The following SLC38A6 variants were observed in gnomAD, a reference collection of about 807,000 sequenced individuals.
The protein encoded by SLC38A6 is solute carrier family 38 member 6.
A neutral mutation model predicts 65.0 loss-of-function variants in SLC38A6; 73 were observed. That is an observed-to-expected ratio of 1.12 (90% CI 0.93 to 1.37). SLC38A6 has a LOEUF of 1.37. SLC38A6 is among the 40% of genes most tolerant of loss of function. The pLI is 0.00. For synonymous variants in SLC38A6, 183 were observed against 178.8 expected, an observed-to-expected ratio of 1.02 and a Z score of -0.19; for missense variants, 561 against 531.1, an observed-to-expected ratio of 1.06 and a Z score of -0.55.
At chr14:61,031,339 A>G (rs1403384807) in intron 6 of SLC38A6, among the ~76,000 whole-genome samples, 3 of 152,172 alleles carry the variant, frequency 2.0e-5, no homozygotes, top group Non-Finnish European at 4.4e-5. Flanking sequence ...TTCTGCTTCA[A>G]TAATTGAACT....
At chr14:61,011,365 C>T (rs980058748) in intron 3 of SLC38A6, among the ~76,000 whole-genome samples, 6 of 151,936 alleles carry the variant, frequency 3.9e-5, no homozygotes, top group Non-Finnish European at 8.8e-5. Context: ...AATTGAATAC[C>T]CTTTATTTCC....
At chr14:61,045,529 A>G in intron 11 of SLC38A6, 104 bp downstream of exon 11, 1 of 807,116 alleles carries the variant, frequency 1.2e-6, no homozygotes, top group Non-Finnish European at 2.0e-6. Flanking sequence ...TCCTCTCATC[A>G]GTGGATCCTA....
At chr14:61,048,575 T>C (rs1232816756) in intron 12 of SLC38A6, among the ~76,000 whole-genome samples, 4 of 152,154 alleles carry the variant, frequency 2.6e-5, no homozygotes, top group African/African-American at 9.7e-5. Flanking sequence ...CCTGGGAAAG[T>C]AGAAAGTGGA....
chr14:60,991,451 G>A (rs2139712950), intron 3 of SLC38A6, among the ~76,000 whole-genome samples: 2 of 152,226 alleles, frequency 1.3e-5, no homozygotes, highest in South Asian at 4.2e-4. Flanking sequence ...AGGTAACTGT[G>A]GCACAGAGAG....
intron 5 of SLC38A6, among the ~76,000 whole-genome samples, chr14:61,022,395 G>C (rs560866994): frequency 2.0e-5 from 3 of 151,640 alleles, no homozygotes; most frequent in South Asian, 4.2e-4. Flanking sequence ...GGAACTTCTA[G>C]TCCATGTATG....
chr14:61,074,675 A>G (rs1454972559), intron 15 of SLC38A6, among the ~76,000 whole-genome samples: 1 of 134,358 alleles, frequency 7.4e-6, no homozygotes, highest in East Asian at 2.2e-4. Context: ...GAACAAGCCT[A>G]TTATTCCCTC....
At chr14:61,000,349 G>C (rs1191071529) in intron 3 of SLC38A6, among the ~76,000 whole-genome samples, 2 of 152,164 alleles carry the variant, frequency 1.3e-5, no homozygotes, top group African/African-American at 4.8e-5. Context: ...AAAATTCTTG[G>C]GCAGGCCCAG....
At chr14:61,042,775 T>G (rs549196992) in intron 8 of SLC38A6, among the ~76,000 whole-genome samples, 3 of 152,344 alleles carry the variant, frequency 2.0e-5, no homozygotes, top group East Asian at 3.9e-4. Context: ...TAAATGTTTC[T>G]CTATTCACTA....
intron 3 of SLC38A6, among the ~76,000 whole-genome samples, chr14:61,013,815 C>G (rs747608228): frequency 5.9e-5 from 9 of 152,292 alleles, no homozygotes; most frequent in Non-Finnish European, 1.0e-4. Context: ...CTGCCCTTAA[C>G]ATTTTTTCCT....
rs986183502 is a variant in SLC38A6 at position 61,032,866 on chromosome 14, A to G, written c.482+2343A>G. Among the ~76,000 whole-genome samples the G allele has an allele frequency of 2.6e-5, 4 of 151,960 alleles. No individual in the cohort carries two copies. The South Asian group carries it at 8.3e-4, about 31-fold the overall frequency. ...ATAAGCTTTTATTTTAGGGTTTGAT[A>G]TACAATAAATTTTAATTAAGATCTT... is the stretch of plus-strand genomic sequence containing the variant. On this transcript the variant is annotated intron_variant, in intron 6 of 15. Coordinates refer to ENST00000267488, the MANE Select transcript of SLC38A6 (RefSeq NM_153811.3).
intron 3 of SLC38A6, among the ~76,000 whole-genome samples, chr14:60,995,487 G>A (rs1317524075): frequency 6.6e-6 from 1 of 152,194 alleles, no homozygotes; most frequent in East Asian, 1.9e-4. Context: ...AGGGTATAAA[G>A]TTGCAGTTAT....
At chr14:61,039,430 G>T (rs1050166698) in intron 8 of SLC38A6, among the ~76,000 whole-genome samples, 4 of 151,968 alleles carry the variant, frequency 2.6e-5, no homozygotes, top group Non-Finnish European at 4.4e-5. Context: ...GAGTGCAGTG[G>T]CACGATCTCA....
intron 3 of SLC38A6, among the ~76,000 whole-genome samples, chr14:60,996,648 A>G (rs1045687757): frequency 3.3e-5 from 5 of 152,192 alleles, no homozygotes; most frequent in African/African-American, 1.2e-4. Context: ...TATCCAGTAT[A>G]ATACTTGTAA....
chr14:60,984,681 A>G (rs574824605), intron 2 of SLC38A6, 49 bp from the exon 3 acceptor site: 3 of 1,572,640 alleles, frequency 1.9e-6, no homozygotes, highest in Non-Finnish European at 2.6e-6. Context: ...ACACCATACA[A>G]AAGACAAACT....
intron 16 of SLC38A6, chr14:61,083,511 C>A: frequency 6.5e-7 from 1 of 1,533,056 alleles, no homozygotes; most frequent in Non-Finnish European, 8.8e-7. Context: ...AAAATGAGGC[C>A]ATTAAGCCCT....
chr14:61,061,055 G>C (rs1322741246), intron 15 of SLC38A6, among the ~76,000 whole-genome samples: 2 of 152,000 alleles, frequency 1.3e-5, no homozygotes, highest in Admixed American at 6.5e-5. Flanking sequence ...CGGTACCTCA[G>C]ATGGAAATGC....
At chr14:61,023,563 A>AAAT (rs139726383) in intron 5 of SLC38A6, among the ~76,000 whole-genome samples, 32 of 141,518 alleles carry the variant, frequency 2.3e-4, no homozygotes, top group South Asian at 1.6e-3. Context: ...ACTGTCTCAA[A>AAAT]AATAATAATA....
rs557065112 is a variant in SLC38A6, at chr14:61,017,300, A to G, written c.363+1344A>G. Among the ~76,000 whole-genome samples, 3 of 152,316 alleles carry G rather than the reference A, an allele frequency of 2.0e-5. No homozygotes were observed. In the South Asian group the frequency reaches 6.2e-4, roughly 32 times the overall value. ...GGTGATCCACCTGCCTCGGCCTCCC[A>G]ACGTGCTGGGATTACAGCGTTAGCC... is the stretch of plus-strand genomic sequence containing the variant. On this transcript the variant is annotated intron_variant, in intron 4 of 15. Transcript: ENST00000267488.
At chr14:61,043,016 G>T (rs2041902902) in intron 8 of SLC38A6, 131 bp from the exon 9 acceptor site, 2 of 588,678 alleles carry the variant, frequency 3.4e-6, no homozygotes, top group Non-Finnish European at 5.8e-6. Flanking sequence ...TTCTAACCGG[G>T]AAAAGTCACA....
Sources: allele counts gnomAD v4.1 joint callset (sites outside exome capture counted in the v4.1 genomes callset), GRCh38; gene constraint gnomAD v4.1.1; transcripts MANE v1.5; gene names NCBI Gene and HGNC (gene_info 2026-07-23, HGNC 2026-07-21).